RPGRIP1: variants seen among roughly 807,000 people sequenced by gnomAD.
RPGRIP1 encodes RPGR interacting protein 1.
A neutral mutation model predicts 157.9 loss-of-function variants in RPGRIP1; 128 were observed. That is an observed-to-expected ratio of 0.81 (90% confidence interval 0.70 to 0.94). RPGRIP1 has a LOEUF of 0.94. RPGRIP1 is among the 40% of genes least tolerant of loss of function. The pLI is 0.00. For synonymous variants in RPGRIP1, 554 were observed against 571.6 expected, an observed-to-expected ratio of 0.97 and a Z score of 0.44; for missense variants, 1,486 against 1,545.8, an observed-to-expected ratio of 0.96 and a Z score of 0.65.
At position 21,324,685 on chromosome 14, in the gene RPGRIP1, T is replaced by C. The variant is rs757431193; in HGVS notation, c.1830T>C (p.His610=). 1.2e-6 allele frequency: 2 copies of C among 1,613,942 alleles called. No individual in the cohort carries two copies. The highest frequency in any genetic ancestry group is 2.2e-5 in the South Asian group (2 of 91,086). The change falls in exon 15 of 25, where the codon CAT becomes CAC. Residue 610 remains histidine (H), a synonymous_variant. Transcript: ENST00000400017. ...LSLCLETLPA[H]GDEDKVDISL... is the part of the protein sequence containing the mutation. The stretch of plus-strand genomic sequence containing the variant: ...TATGTTTGGAAACACTGCCAGCCCA[T>C]GGAGATGAGGATAAAGTGGATATTT...
intron 20 of RPGRIP1, among the ~76,000 whole-genome samples, chr14:21,331,824 A>G (rs192732493): frequency 3.9e-5 from 6 of 152,136 alleles, no homozygotes; most frequent in Non-Finnish European, 8.8e-5. Context: ...TGAAAAATTT[A>G]ATAATGAGAG....
intron 20 of RPGRIP1, among the ~76,000 whole-genome samples, chr14:21,331,962 G>A (rs1488464539): frequency 8.6e-6 from 1 of 116,336 alleles, no homozygotes; most frequent in African/African-American, 3.2e-5. Context: ...TTTTTGAGAT[G>A]AAGTCTCTCT....
At chr14:21,332,313 T>C (rs1212898282) in intron 20 of RPGRIP1, among the ~76,000 whole-genome samples, 1 of 152,168 alleles carries the variant, frequency 6.6e-6, no homozygotes, top group Non-Finnish European at 1.5e-5. Flanking sequence ...ATGATTTTTC[T>C]CATGAGAAGG....
chr14:21,289,189 G>A (rs10152076), intron 2 of RPGRIP1, among the ~76,000 whole-genome samples: 10,171 of 152,042 alleles, frequency 0.067, 457 homozygotes, highest in Admixed American at 0.15. Flanking sequence ...TTAGCTGGGC[G>A]TTGTGGCGGG....
intron 8 of RPGRIP1, chr14:21,310,915 C>T (rs752546353): frequency 1.7e-6 from 1 of 593,570 alleles, no homozygotes; most frequent in Non-Finnish European, 3.2e-6. Flanking sequence ...ATTCTTCTAG[C>T]ATGTGTGAGG....
At chr14:21,295,380 T>C (rs1002163903) in intron 3 of RPGRIP1, among the ~76,000 whole-genome samples, 2 of 152,070 alleles carry the variant, frequency 1.3e-5, no homozygotes, top group Non-Finnish European at 2.9e-5. Context: ...AAGGGGTCTT[T>C]ATTTACAAAA....
At chr14:21,320,344 C>T (rs1882271824) in intron 12 of RPGRIP1, among the ~76,000 whole-genome samples, 167 bp downstream of exon 12, 1 of 151,016 alleles carries the variant, frequency 6.6e-6, no homozygotes, top group South Asian at 2.1e-4. Context: ...GGCTGGAGTG[C>T]AGTGGCGCGA....
intron 3 of RPGRIP1, among the ~76,000 whole-genome samples, chr14:21,300,000 T>C (rs1387239587): frequency 1.3e-5 from 2 of 152,240 alleles, no homozygotes; most frequent in Admixed American, 1.3e-4. Flanking sequence ...CATTTAAACT[T>C]AATAACCTCC....
At chr14:21,281,604 G>T (rs986466707) in intron 1 of RPGRIP1, among the ~76,000 whole-genome samples, 3 of 151,222 alleles carry the variant, frequency 2.0e-5, no homozygotes, top group Non-Finnish European at 4.4e-5. Context: ...CATGAGAATT[G>T]CTTGAACCCT....
At chr14:21,295,249 A>G (rs8009098) in intron 3 of RPGRIP1, among the ~76,000 whole-genome samples, 1 of 151,874 alleles carries the variant, frequency 6.6e-6, no homozygotes, top group Non-Finnish European at 1.5e-5. Flanking sequence ...TTGGGTGATA[A>G]TATTTCAGTC....
At position 21,330,252 on chromosome 14, in the gene RPGRIP1, G is replaced by T; in HGVS notation, c.3103G>T (p.Val1035Leu). The change falls in exon 20 of 25, where the codon GTG becomes TTG. Residue 1035 changes from valine to leucine, a missense_variant. Transcript: ENST00000400017. Reference sequence around the variant, plus strand: ...TATTGTTGTTCTTATTCTGAAGCAGGTGAATTACACTGAGTGGAAGTTCTC... The same window carrying T: ...TATTGTTGTTCTTATTCTGAAGCAGTTGAATTACACTGAGTGGAAGTTCTC... ...NILNGNTPEQ[V>L]NYTEWKFSET... The T allele has an allele frequency of 1.9e-6, 3 of 1,549,374 alleles. No individual in the cohort carries two copies. Among genetic ancestry groups the T allele is most frequent in the Non-Finnish European group, 1.7e-6 (2 of 1,155,626 alleles).
At chr14:21,337,455 T>TTTTTTTTTA (rs1884483790) in intron 21 of RPGRIP1, among the ~76,000 whole-genome samples, 1 of 150,688 alleles carries the variant, frequency 6.6e-6, no homozygotes, top group Admixed American at 6.6e-5. Context: ...TTTTTTTTTT[T>TTTTTTTTTA]GAGATAGAGT....
chr14:21,329,541 G>T (rs1439212654), intron 19 of RPGRIP1, among the ~76,000 whole-genome samples: 1 of 139,230 alleles, frequency 7.2e-6, no homozygotes, highest in Admixed American at 7.4e-5. Context: ...TTGCTCTGTC[G>T]CCCAGGCCAG....
chr14:21,342,036 G>C (rs1291953336), intron 21 of RPGRIP1, among the ~76,000 whole-genome samples: 3 of 149,264 alleles, frequency 2.0e-5, no homozygotes, highest in African/African-American at 5.0e-5. Context: ...GGCGACAGAG[G>C]GAGACACTGT....
chr14:21,328,408 T>C lies in RPGRIP1; in HGVS notation c.2896-16T>C. 6.3e-7 allele frequency: 1 copy of C among 1,591,672 alleles called. No homozygotes were observed. Among genetic ancestry groups the C allele is most frequent in the Non-Finnish European group, 8.6e-7 (1 of 1,166,796 alleles). On this transcript the variant is annotated splice_polypyrimidine_tract_variant and intron_variant, in intron 18 of 24. Coordinates refer to ENST00000400017, the MANE Select transcript of RPGRIP1 (RefSeq NM_020366.4). ...AACTACCAGCTTGTAATGCTATCTC[T>C]GATCTTTCTATTCAGGATCAGATGG...
intron 21 of RPGRIP1, among the ~76,000 whole-genome samples, chr14:21,337,842 G>A (rs1449851245): frequency 2.2e-5 from 3 of 137,796 alleles, no homozygotes; most frequent in African/African-American, 5.5e-5. Context: ...TGCAACCTCC[G>A]CCTCCCGGGT....
intron 8 of RPGRIP1, chr14:21,311,042 C>T: frequency 4.4e-6 from 2 of 452,576 alleles, no homozygotes. Flanking sequence ...GCTTAAGAAT[C>T]ACCACTAAGA....
intron 13 of RPGRIP1, 116 bp from the exon 14 acceptor site, chr14:21,321,738 G>A (rs141092268): frequency 9.6e-7 from 1 of 1,040,244 alleles, no homozygotes; most frequent in Non-Finnish European, 1.4e-6. Context: ...TCTTCTAGTG[G>A]GTGAACCTGC....
intron 11 of RPGRIP1, among the ~76,000 whole-genome samples, chr14:21,319,544 G>T (rs1308156228): frequency 6.6e-6 from 1 of 152,074 alleles, no homozygotes; most frequent in Non-Finnish European, 1.5e-5. Context: ...CTGAGTGATG[G>T]AGTAAGACTG....
Sources: allele counts gnomAD v4.1 joint callset (sites outside exome capture counted in the v4.1 genomes callset), GRCh38; gene constraint gnomAD v4.1.1; transcripts MANE v1.5; gene names NCBI Gene and HGNC (gene_info 2026-07-23, HGNC 2026-07-21).